The following MAP3K1 variants were observed in gnomAD, a reference collection of about 807,000 sequenced individuals.
The protein encoded by MAP3K1 is mitogen-activated protein kinase kinase kinase 1.
In MAP3K1, 36 loss-of-function variants were observed where a neutral mutation model predicts 144.2. The observed-to-expected ratio is 0.25, with a 90% confidence interval of 0.19 to 0.33. The LOEUF (loss-of-function observed/expected upper bound fraction) is 0.33, where lower values mean the gene tolerates loss of function less well. Ranked by LOEUF, MAP3K1 falls within the 10% of genes least tolerant of loss-of-function variation. The pLI is 1.00. For synonymous variants in MAP3K1, 718 were observed against 688.7 expected, an observed-to-expected ratio of 1.04 and a Z score of -0.67; for missense variants, 1,650 against 1,881.9, an observed-to-expected ratio of 0.88 and a Z score of 2.28.
At chr5:56,852,112 C>T (rs939102452) in intron 1 of MAP3K1, 31 of 149,430 alleles carry the variant, frequency 2.1e-4, no homozygotes, top group Admixed American at 6.6e-4. Flanking sequence ...TCTGCAGAGA[C>T]GGGAGTAAAA....
intron 1 of MAP3K1, among the ~76,000 whole-genome samples, chr5:56,831,425 G>T (rs1210516155): frequency 3.3e-5 from 5 of 152,074 alleles, no homozygotes; most frequent in Non-Finnish European, 7.4e-5. Context: ...CAGATTCTAT[G>T]AGAGACGAAG....
chr5:56,864,879 T>C lies in MAP3K1; in HGVS notation c.980T>C (p.Phe327Ser). The change falls in exon 4 of 20, where the codon TTC becomes TCC. Residue 327 changes from phenylalanine to serine, a missense_variant. Physicochemically the swap from Phe to Ser is radical, Grantham distance 155. Around this residue, in one of 6 missense-constraint regions of MAP3K1, gnomAD observed 11 missense variants for 40.6 expected, o/e 0.27. Coordinates refer to ENST00000399503, the MANE Select transcript of MAP3K1 (RefSeq NM_005921.2). ...YLLQQIGPNS[F>S]LIGGDSPDNK... ...CTGCAGCAGATAGGGCCTAACTCTT[T>C]CCTGATTGGAGGAGACAGCCCAGAC... 1 of 1,614,060 alleles carries C rather than the reference T, an allele frequency of 6.2e-7. No individual in the cohort carries two copies. Among genetic ancestry groups the C allele is most frequent in the Non-Finnish European group, 8.5e-7 (1 of 1,179,988 alleles).
chr5:56,852,625 G>T (rs1223432267), intron 1 of MAP3K1, among the ~76,000 whole-genome samples: 6 of 152,072 alleles, frequency 3.9e-5, no homozygotes, highest in Non-Finnish European at 8.8e-5. Flanking sequence ...AGTCTTCAAG[G>T]TAGTTTCTCA....
At chr5:56,831,179 G>A (rs963479480) in intron 1 of MAP3K1, among the ~76,000 whole-genome samples, 1 of 117,988 alleles carries the variant, frequency 8.5e-6, no homozygotes. Flanking sequence ...GGGATAAAAT[G>A]TTGGGTTTTT....
At chr5:56,872,539 G>T in intron 7 of MAP3K1, 102 bp from the exon 8 acceptor site, 2 of 723,728 alleles carry the variant, frequency 2.8e-6, no homozygotes. Context: ...GATTATTTTT[G>T]AGGTTCCTTC....
At chr5:56,880,674 A>G (rs760889660) in intron 11 of MAP3K1, 37 bp from the exon 12 acceptor site, 7 of 1,408,080 alleles carry the variant, frequency 5.0e-6, no homozygotes, top group Non-Finnish European at 5.0e-6. Context: ...GTTTTAGCCA[A>G]GATCCAGGAT....
At chr5:56,864,644 A>G in intron 3 of MAP3K1, 90 bp from the exon 4 acceptor site, 3 of 1,391,284 alleles carry the variant, frequency 2.2e-6, no homozygotes, top group Non-Finnish European at 3.1e-6. Context: ...AAGTGCTGGG[A>G]TTACAGGCGT....
chr5:56,829,483 G>A (rs1484904224), intron 1 of MAP3K1, among the ~76,000 whole-genome samples: 1 of 151,684 alleles, frequency 6.6e-6, no homozygotes, highest in Non-Finnish European at 1.5e-5. Flanking sequence ...CCACCATGCC[G>A]AGCCCGCATT....
intron 1 of MAP3K1, among the ~76,000 whole-genome samples, chr5:56,831,015 A>G (rs757266172): frequency 6.6e-6 from 1 of 152,050 alleles, no homozygotes; most frequent in Non-Finnish European, 1.5e-5. Flanking sequence ...TAAGGAATAT[A>G]ATATATTTAA....
intron 6 of MAP3K1, among the ~76,000 whole-genome samples, chr5:56,871,098 T>G (rs1030527116): frequency 6.6e-6 from 1 of 152,190 alleles, no homozygotes; most frequent in Admixed American, 6.5e-5. Context: ...ACTTTGTATG[T>G]TAGAAATACT....
chr5:56,869,501 A>G (rs544974880), intron 6 of MAP3K1, among the ~76,000 whole-genome samples: 2 of 152,256 alleles, frequency 1.3e-5, no homozygotes, highest in East Asian at 3.9e-4. Flanking sequence ...AAAAAGAATT[A>G]TGTATATGAA....
Position 56,839,750 on chromosome 5 carries a change from A to G in MAP3K1, c.483-16850A>G, listed in dbSNP as rs10062118. Among the ~76,000 whole-genome samples, 1,419 of 152,252 alleles carry G rather than the reference A, an allele frequency of 9.3e-3. 32 individuals carry two copies. The highest frequency in any genetic ancestry group is 0.033 in the African/African-American group (1,364 of 41,532). ...CGTTAGGTTCATTGTCATGTCTGCA[A>G]GGACCCAGACTGAGAGAATGTGGGT... On this transcript the variant is annotated intron_variant, in intron 1 of 19. Coordinates refer to ENST00000399503, the MANE Select transcript of MAP3K1 (RefSeq NM_005921.2).
In MAP3K1 at chr5:56,879,111, TA is replaced by T. The variant is rs1561197509; in HGVS notation, c.2087+11del. 6.2e-7 allele frequency: 1 copy of T among 1,613,870 alleles called. No individual in the cohort carries two copies. The highest frequency in any genetic ancestry group is 8.5e-7 in the Non-Finnish European group (1 of 1,179,786). On this transcript the variant is annotated intron_variant, in intron 11 of 19. Transcript: ENST00000399503. ...GTGCAGATGCCAATAGGTAAGGCTT[TA>T]TTGATGAATCACTTCAAACCCTCTT...
At chr5:56,883,828 A>T in intron 15 of MAP3K1, 149 bp downstream of exon 15, 4 of 876,758 alleles carry the variant, frequency 4.6e-6, no homozygotes, top group East Asian at 2.6e-5. Context: ...TTTCTAAAGC[A>T]CCAGAAACAT....
At chr5:56,890,881 CA>C (rs71602968) in intron 19 of MAP3K1, among the ~76,000 whole-genome samples, 531 of 135,172 alleles carry the variant, frequency 3.9e-3, no homozygotes, top group African/African-American at 4.0e-3. Flanking sequence ...CCATCTCTAC[CA>C]AAAAAAAAAA....
intron 1 of MAP3K1, among the ~76,000 whole-genome samples, chr5:56,852,999 G>A (rs1193004896): frequency 6.6e-6 from 1 of 152,048 alleles, no homozygotes; most frequent in Non-Finnish European, 1.5e-5. Flanking sequence ...AACAATACAA[G>A]TATGTAAAAA....
chr5:56,827,570 G>GAAC (rs1361834679), intron 1 of MAP3K1, among the ~76,000 whole-genome samples: 1 of 152,206 alleles, frequency 6.6e-6, no homozygotes, highest in African/African-American at 2.4e-5. Flanking sequence ...TAGTGATTAA[G>GAAC]AACCTGGGCC....
intron 10 of MAP3K1, among the ~76,000 whole-genome samples, chr5:56,878,102 T>A (rs1375570071): frequency 6.6e-6 from 1 of 152,232 alleles, no homozygotes; most frequent in Non-Finnish European, 1.5e-5. Flanking sequence ...CTACCAAGTT[T>A]CCCTGCTGTA....
chr5:56,849,434 G>A (rs895394296), intron 1 of MAP3K1, among the ~76,000 whole-genome samples: 1 of 151,944 alleles, frequency 6.6e-6, no homozygotes, highest in Non-Finnish European at 1.5e-5. Context: ...AAGTAGTAGT[G>A]CCTGTTTCTT....
Sources: gnomAD v4.1 joint callset for allele counts (sites outside exome capture counted in the v4.1 genomes callset) on GRCh38, gnomAD v4.1.1 for gene constraint, gnomAD v4.1.1 regional missense constraint, MANE v1.5 for transcripts, NCBI Gene and HGNC (gene_info 2026-07-23, HGNC 2026-07-21) for gene names.